Variants in EPB41L4A observed in about 807,000 individuals in gnomAD.
The protein encoded by EPB41L4A is band 4.1-like protein 4A.
Under a neutral mutation model 108.6 loss-of-function variants are expected in EPB41L4A, and 100 were observed. The ratio of observed to expected loss-of-function variants is 0.92; its 90% CI spans 0.78 to 1.09. EPB41L4A has a LOEUF of 1.09. Ranked by LOEUF, EPB41L4A falls within the 50% of genes least tolerant of loss-of-function variation. The pLI is 0.00. For synonymous variants in EPB41L4A, 319 were observed against 289.0 expected, an observed-to-expected ratio of 1.10 and a Z score of -1.05; for missense variants, 1,030 against 842.7, an observed-to-expected ratio of 1.22 and a Z score of -2.75.
rs147463310 is a variant in EPB41L4A, at chr5:112,176,097, A to G, written c.1623-5105T>C. Among the ~76,000 whole-genome samples, 11 of 152,304 alleles carry G rather than the reference A, an allele frequency of 7.2e-5. No individual in the cohort carries two copies. In the East Asian group the frequency reaches 1.4e-3, roughly 19 times the overall value. ...TACCTTGCAGTGTTTCTAGAGAATAACTAAGACCTGGGGGAACTTACTAAT... is the reference window on the plus strand; with the variant it reads ...TACCTTGCAGTGTTTCTAGAGAATAGCTAAGACCTGGGGGAACTTACTAAT... On this transcript the variant is annotated intron_variant, in intron 18 of 22. Transcript: ENST00000261486.
chr5:112,379,889 A>G (rs1429591809), intron 1 of EPB41L4A, among the ~76,000 whole-genome samples: 1 of 152,206 alleles, frequency 6.6e-6, no homozygotes, highest in Non-Finnish European at 1.5e-5. Flanking sequence ...CATAAGAAAG[A>G]CACTATGAGC....
At chr5:112,152,517 C>G (rs1447215527) in intron 12 of EPB41L4A, among the ~76,000 whole-genome samples, 1 of 152,122 alleles carries the variant, frequency 6.6e-6, no homozygotes, top group South Asian at 2.1e-4. Context: ...AGCCTGTTAG[C>G]CCCTTTCACA....
chr5:112,371,064 G>A (rs1759464317), intron 1 of EPB41L4A, among the ~76,000 whole-genome samples: 1 of 152,198 alleles, frequency 6.6e-6, no homozygotes, highest in African/African-American at 2.4e-5. Context: ...AGAGACTGTA[G>A]AAATAAAAGA....
intron 12 of EPB41L4A, among the ~76,000 whole-genome samples, chr5:112,221,154 A>C (rs1748019382): frequency 2.0e-5 from 3 of 152,218 alleles, no homozygotes; most frequent in Non-Finnish European, 4.4e-5. Context: ...CCACCCTAGC[A>C]GTTGCATACA....
rs897335850 is a variant in EPB41L4A, at chr5:112,162,625, G to A, written c.*2365C>T. 6 of 152,138 alleles carry A rather than the reference G, an allele frequency of 3.9e-5. No individual in the cohort carries two copies. Among genetic ancestry groups the A allele is most frequent in the African/African-American group, 1.2e-4 (5 of 41,420 alleles). 9.4% of individuals were successfully genotyped at this position (152,138 alleles called of 1,614,324 possible). ...CAGGAAACGACAAATAATGTATAGAGGTATTCAAAAAATTTATTGAAAGCA... is the reference window on the plus strand; with the variant it reads ...CAGGAAACGACAAATAATGTATAGAAGTATTCAAAAAATTTATTGAAAGCA... On this transcript the variant is annotated 3_prime_UTR_variant, in exon 23 of 23. Transcript: ENST00000261486.
intron 16 of EPB41L4A, 85 bp from the exon 17 acceptor site, chr5:112,194,730 G>A: frequency 1.3e-6 from 1 of 774,990 alleles, no homozygotes; most frequent in African/African-American, 1.8e-5. Context: ...TGGGTCCTCT[G>A]GAATTCATTT....
chr5:112,293,340 G>A (rs1753774819), intron 2 of EPB41L4A, among the ~76,000 whole-genome samples: 1 of 125,282 alleles, frequency 8.0e-6, no homozygotes, highest in African/African-American at 3.7e-5. Flanking sequence ...GTACCCATTA[G>A]TTATTTTTCC....
chr5:112,296,755 C>G (rs181871584), intron 2 of EPB41L4A, among the ~76,000 whole-genome samples: 3 of 152,050 alleles, frequency 2.0e-5, no homozygotes, highest in African/African-American at 4.8e-5. Context: ...TCCCTCACCC[C>G]CTTCCTACCC....
At chr5:112,391,051 C>A (rs1305823465) in intron 1 of EPB41L4A, among the ~76,000 whole-genome samples, 4 of 152,134 alleles carry the variant, frequency 2.6e-5, no homozygotes, top group African/African-American at 9.7e-5. Context: ...ACATCCACAC[C>A]AAAGCCCCAG....
At chr5:112,418,534 T>A (rs1762856501) in intron 1 of EPB41L4A, among the ~76,000 whole-genome samples, 1 of 152,106 alleles carries the variant, frequency 6.6e-6, no homozygotes, top group African/African-American at 2.4e-5. Context: ...ACTTCCCTAA[T>A]AACACTGTCA....
exon 14 of EPB41L4A, chr5:112,143,712 T>C (rs1018949858): frequency 3.8e-6 from 1 of 265,638 alleles, no homozygotes; most frequent in Non-Finnish European, 7.9e-6. Flanking sequence ...AACAGCAATT[T>C]TCCCTATTGA....
At chr5:112,410,432 T>C (rs541374293) in intron 1 of EPB41L4A, among the ~76,000 whole-genome samples, 1 of 152,184 alleles carries the variant, frequency 6.6e-6, no homozygotes, top group South Asian at 2.1e-4. Flanking sequence ...GCCCTGCAAA[T>C]TGTCCAGCTG....
chr5:112,278,811 T>C (rs1225598716), intron 3 of EPB41L4A, among the ~76,000 whole-genome samples: 2 of 151,488 alleles, frequency 1.3e-5, no homozygotes, highest in Non-Finnish European at 2.9e-5. Context: ...CCCAGCACTT[T>C]TGGAAGGCTC....
chr5:112,243,054 A>T (rs1749915126), intron 9 of EPB41L4A, among the ~76,000 whole-genome samples: 1 of 151,994 alleles, frequency 6.6e-6, no homozygotes, highest in Non-Finnish European at 1.5e-5. Flanking sequence ...TCTCTACTAA[A>T]AATACAGAAA....
intron 12 of EPB41L4A, among the ~76,000 whole-genome samples, chr5:112,153,998 T>C (rs1474753877): frequency 6.6e-6 from 1 of 152,144 alleles, no homozygotes; most frequent in African/African-American, 2.4e-5. Flanking sequence ...TAGAAACAGA[T>C]ATGTAGCTGG....
intron 1 of EPB41L4A, among the ~76,000 whole-genome samples, chr5:112,369,421 A>C (rs1759343284): frequency 6.6e-6 from 1 of 152,106 alleles, no homozygotes. Flanking sequence ...GCCTAGTTAA[A>C]CCCTTAAAAA....
At chr5:112,203,228 T>C (rs1762301879) in intron 15 of EPB41L4A, among the ~76,000 whole-genome samples, 1 of 152,004 alleles carries the variant, frequency 6.6e-6, no homozygotes, top group South Asian at 2.1e-4. Context: ...TGATGGCGCA[T>C]GCCTGTAATC....
rs369582259 is a variant in EPB41L4A, at chr5:112,390,497, G to C, written c.99+28444C>G. On this transcript the variant is annotated intron_variant, in intron 1 of 22. Coordinates refer to ENST00000261486, the MANE Select transcript of EPB41L4A (RefSeq NM_022140.5). ...GAGCTGACAGCCTGGGTGGGGGAGT[G>C]GCATCTGCCACTGCTAAAGCTTGAG... Among the ~76,000 whole-genome samples, 22 of 152,244 alleles carry C rather than the reference G, an allele frequency of 1.4e-4. 1 individual carries two copies. The East Asian group carries it at 4.1e-3, about 28-fold the overall frequency.
intron 12 of EPB41L4A, among the ~76,000 whole-genome samples, chr5:112,146,871 G>C (rs1336138957): frequency 6.6e-6 from 1 of 152,174 alleles, no homozygotes; most frequent in African/African-American, 2.4e-5. Context: ...GAATGCATAA[G>C]ATGTAACCTT....
Sources: gnomAD v4.1 joint callset for allele counts (sites outside exome capture counted in the v4.1 genomes callset) on GRCh38, gnomAD v4.1.1 for gene constraint, MANE v1.5 for transcripts, NCBI Gene and HGNC (gene_info 2026-07-23, HGNC 2026-07-21) for gene names.